ACSF3: variants seen among roughly 807,000 people sequenced by gnomAD.
ACSF3 encodes malonate--CoA ligase ACSF3, mitochondrial.
ACSF3 carries 78 observed loss-of-function variants against 53.2 expected under a neutral mutation model. That is an observed-to-expected ratio of 1.47 (90% CI 1.22 to 1.77). The LOEUF (loss-of-function observed/expected upper bound fraction) is 1.77, where lower values mean the gene tolerates loss of function less well. ACSF3 is among the 40% of genes most tolerant of loss of function. ACSF3 has a pLI of 0.00. For synonymous variants in ACSF3, 414 were observed against 333.1 expected (o/e 1.24, Z -2.65); for missense variants, 937 against 771.1 (o/e 1.22, Z -2.55).
intron 7 of ACSF3, among the ~76,000 whole-genome samples, chr16:89,131,228 C>T (rs1461557411): frequency 7.6e-5 from 11 of 145,018 alleles, no homozygotes; most frequent in African/African-American, 1.8e-4. Flanking sequence ...CCACCTCAAG[C>T]GATCCTCCTA....
At chr16:89,133,572 G>A (rs1292804155) in intron 8 of ACSF3, among the ~76,000 whole-genome samples, 1 of 152,190 alleles carries the variant, frequency 6.6e-6, no homozygotes, top group African/African-American at 2.4e-5. Flanking sequence ...CCTGACCACA[G>A]ACGCCGGGCC....
chr16:89,146,543 C>G (rs1401903303), intron 10 of ACSF3, among the ~76,000 whole-genome samples: 1 of 152,232 alleles, frequency 6.6e-6, no homozygotes, highest in Non-Finnish European at 1.5e-5. Flanking sequence ...TGCACGGCCT[C>G]TCCCTCTCCT....
intron 1 of ACSF3, among the ~76,000 whole-genome samples, chr16:89,094,912 A>G (rs74739732): frequency 0.028 from 4,340 of 152,304 alleles, 210 homozygotes; most frequent in African/African-American, 0.1. Context: ...AATAAAACTG[A>G]AAAAGAAGAG....
At chr16:89,147,276 G>T in intron 10 of ACSF3, among the ~76,000 whole-genome samples, 1 of 97,410 alleles carries the variant, frequency 1.0e-5, no homozygotes. Flanking sequence ...AGGGAGGAGG[G>T]AGGGGCCACA....
intron 6 of ACSF3, among the ~76,000 whole-genome samples, chr16:89,117,012 G>T (rs1905235352): frequency 6.6e-6 from 1 of 152,180 alleles, no homozygotes; most frequent in Non-Finnish European, 1.5e-5. Context: ...GTTTTGTCCA[G>T]TGCCACCGGC....
At chr16:89,139,402 A>G (rs1222857211) in intron 8 of ACSF3, among the ~76,000 whole-genome samples, 1 of 151,830 alleles carries the variant, frequency 6.6e-6, no homozygotes, top group Non-Finnish European at 1.5e-5. Context: ...GCGGGTGTGT[A>G]GGGTCCGTAC....
intron 10 of ACSF3, 42 bp downstream of exon 10, chr16:89,146,091 TG>T: frequency 6.8e-7 from 1 of 1,475,266 alleles, no homozygotes; most frequent in Non-Finnish European, 9.4e-7. Context: ...CATGGGGTCT[TG>T]GGGGTCCAGT....
At position 89,100,753 on chromosome 16, in the gene ACSF3, G is replaced by A. The variant is rs752720474; in HGVS notation, c.72G>A (p.Ala24=). The A allele has an allele frequency of 4.0e-5, 65 of 1,607,510 alleles. 1 individual carries two copies. Among genetic ancestry groups the A allele is most frequent in the African/African-American group, 3.6e-4 (27 of 74,920 alleles). The change falls in exon 3 of 11, where the codon GCG becomes GCA. Residue 24 remains alanine, a synonymous_variant. Coordinates refer to ENST00000614302, the MANE Select transcript of ACSF3 (RefSeq NM_001243279.3). ...TGGCGTCCTGCCGGCTGGCGCCTGC[G>A]AGACACAGAGGAAGTGGTCTTCTGC... The part of the protein sequence containing the change: ...CALASCRLAP[A]RHRGSGLLHT...
intron 4 of ACSF3, among the ~76,000 whole-genome samples, chr16:89,111,401 C>T (rs1248592062): frequency 1.3e-5 from 2 of 152,278 alleles, no homozygotes; most frequent in Non-Finnish European, 2.9e-5. Context: ...AGTTTCAACG[C>T]CGTGTGGGCG....
chr16:89,103,267 G>A (rs535452231), intron 4 of ACSF3, among the ~76,000 whole-genome samples: 153 of 152,342 alleles, frequency 1.0e-3, no homozygotes, highest in Non-Finnish European at 2.0e-3. Context: ...GAATGCTCAC[G>A]CGCTTGGTTT....
chr16:89,111,416 C>T (rs1157832727), intron 4 of ACSF3, among the ~76,000 whole-genome samples: 1 of 152,260 alleles, frequency 6.6e-6, no homozygotes, highest in East Asian at 1.9e-4. Flanking sequence ...TGGGCGAGAT[C>T]TGTCCTGTGT....
chr16:89,131,121 CTTTTTCTTTTTTT>C (rs1381624380), intron 7 of ACSF3, among the ~76,000 whole-genome samples: 2 of 114,942 alleles, frequency 1.7e-5, no homozygotes, highest in South Asian at 3.1e-4. Flanking sequence ...TTTTCTTTTT[CTTTTTCTTTTTTT>C]TTTTTTTTTT....
At chr16:89,124,022 C>A (rs1011739423) in intron 7 of ACSF3, among the ~76,000 whole-genome samples, 109 of 14,284 alleles carry the variant, frequency 7.6e-3, no homozygotes, top group African/African-American at 0.017. Flanking sequence ...CACACGCACG[C>A]AGTGTGCACA....
At chr16:89,097,351 C>A (rs533605900) in intron 1 of ACSF3, among the ~76,000 whole-genome samples, 4 of 152,344 alleles carry the variant, frequency 2.6e-5, no homozygotes, top group African/African-American at 7.2e-5. Flanking sequence ...ATGACAGGCA[C>A]CTTCTATATT....
chr16:89,151,206 C>G (rs1483041729), intron 10 of ACSF3: 2 of 480,610 alleles, frequency 4.2e-6, no homozygotes, highest in South Asian at 3.1e-5. Context: ...ACACAAATTG[C>G]CAAGACTGAC....
chr16:89,128,692 C>G (rs956239857), intron 7 of ACSF3, among the ~76,000 whole-genome samples: 7 of 152,150 alleles, frequency 4.6e-5, no homozygotes, highest in Non-Finnish European at 1.0e-4. Flanking sequence ...TTTCCATTAT[C>G]TTTCTGTTAC....
intron 1 of ACSF3, among the ~76,000 whole-genome samples, chr16:89,096,091 C>T (rs1974584073): frequency 6.6e-6 from 1 of 152,092 alleles, no homozygotes; most frequent in African/African-American, 2.4e-5. Flanking sequence ...CCACTGTTTT[C>T]AGTGGTTCCA....
intron 2 of ACSF3, 37 bp from the exon 3 acceptor site, chr16:89,100,625 G>T (rs767178224): frequency 7.2e-6 from 10 of 1,389,574 alleles, no homozygotes; most frequent in Non-Finnish European, 9.8e-6. Flanking sequence ...GGATGGGACA[G>T]TTGGGCACTC....
In ACSF3 at chr16:89,155,751, T is replaced by G; in HGVS notation, c.*1544T>G. 4.4e-6 allele frequency: 2 copies of G among 453,280 alleles called. No individual in the cohort carries two copies. Among genetic ancestry groups the G allele is most frequent in the Admixed American group, 2.4e-5 (1 of 42,544 alleles). 28.1% of individuals were successfully genotyped at this position (453,280 alleles called of 1,614,324 possible). A position where few individuals can be genotyped will look rare whatever the true frequency, so the allele number is the denominator to read the frequency against. On this transcript the variant is annotated 3_prime_UTR_variant, in exon 11 of 11. Transcript: ENST00000614302. ...AAATTTAACATAGCAAAATTTTTAC[T>G]TAATTCCACTAATTTTACATTTGCA...
Sources: allele counts gnomAD v4.1 joint callset (sites outside exome capture counted in the v4.1 genomes callset), GRCh38; gene constraint gnomAD v4.1.1; transcripts MANE v1.5; gene names NCBI Gene and HGNC (gene_info 2026-07-23, HGNC 2026-07-21).